Variants in COG3 observed in about 807,000 individuals in gnomAD.
COG3 encodes the protein component of oligomeric golgi complex 3, also known as conserved oligomeric Golgi complex subunit 3.
COG3 carries 32 observed loss-of-function variants against 114.1 expected under a neutral mutation model. That is an observed-to-expected ratio of 0.28 (90% confidence interval 0.21 to 0.38). COG3 has a LOEUF of 0.38. Ranked by LOEUF, COG3 falls within the 10% of genes least tolerant of loss-of-function variation. The pLI is 1.00. For missense variants in COG3, 813 were observed against 973.2 expected, an observed-to-expected ratio of 0.84 and a Z score of 2.19; for synonymous variants, 352 against 365.7, an observed-to-expected ratio of 0.96 and a Z score of 0.43.
intron 11 of COG3, among the ~76,000 whole-genome samples, chr13:45,492,569 GT>G (rs1248816609): frequency 1.3e-5 from 2 of 152,054 alleles, no homozygotes; most frequent in African/African-American, 4.8e-5. Context: ...ATTCCTTCTA[GT>G]TAAAAAATTC....
intron 15 of COG3, among the ~76,000 whole-genome samples, chr13:45,510,350 A>C (rs1426650413): frequency 6.6e-6 from 1 of 152,214 alleles, no homozygotes. Flanking sequence ...CCTTTTGCCC[A>C]GTTCTGGGAC....
rs1886367319 is a variant in COG3 at position 45,483,304 on chromosome 13, G to C, written c.792G>C (p.Lys264Asn). 2.5e-6 allele frequency: 4 copies of C among 1,600,406 alleles called. No individual in the cohort carries two copies. The African/African-American group carries it at 5.4e-5, about 21-fold the overall frequency. Residue 264 changes from lysine to asparagine, a missense_variant, in exon 7 of 23, where the codon AAG becomes AAC. Coordinates refer to ENST00000349995, the MANE Select transcript of COG3 (RefSeq NM_031431.4). The stretch of plus-strand genomic sequence containing the variant: ...TTTCTAAAGCTTTGCACCTCATGAA[G>C]ACATATACTGTGAACACACTACAGA... ...QCLSKALHLM[K>N]TYTVNTLQTL...
intron 16 of COG3, 73 bp downstream of exon 16, chr13:45,511,927 C>G: frequency 8.4e-7 from 1 of 1,193,950 alleles, no homozygotes; most frequent in Non-Finnish European, 1.2e-6. Context: ...CTTATAGGCA[C>G]AGAAGTTTAA....
At chr13:45,467,099 C>T (rs1212156835) in intron 1 of COG3, among the ~76,000 whole-genome samples, 1 of 152,158 alleles carries the variant, frequency 6.6e-6, no homozygotes, top group Non-Finnish European at 1.5e-5. Context: ...AGAGGGAAGA[C>T]CTTTCCAAGG....
chr13:45,488,825 A>G (rs1593697641), intron 8 of COG3, among the ~76,000 whole-genome samples: 1 of 152,102 alleles, frequency 6.6e-6, no homozygotes, highest in East Asian at 1.9e-4. Context: ...CTCATTGTGA[A>G]GTTTCTAGAA....
intron 11 of COG3, 142 bp from the exon 12 acceptor site, chr13:45,493,202 TATC>T (rs2137832560): frequency 1.7e-6 from 1 of 597,266 alleles, no homozygotes; most frequent in Non-Finnish European, 2.8e-6. Context: ...GCTTTTCCCT[TATC>T]ATTCTATAAT....
At position 45,465,055 on chromosome 13, in the gene COG3, TTGCTGC is replaced by T. The variant is rs1355048877; in HGVS notation, c.23_28del (p.Leu8_Leu9del). 2.5e-6 allele frequency: 4 copies of T among 1,586,446 alleles called. No homozygotes were observed. Among genetic ancestry groups the T allele is most frequent in the Non-Finnish European group, 3.4e-6 (4 of 1,167,980 alleles). ...GGCGGCGATGGCGGAGGCGGCGCTG[TTGCTGC>T]TGCCTGAGGCGGCGGCGGAGCGGGA... is the stretch of plus-strand genomic sequence containing the variant. On this transcript the variant is annotated inframe_deletion, in exon 1 of 23. Transcript: ENST00000349995.
chr13:45,493,584 A>G, intron 12 of COG3, 98 bp downstream of exon 12: 1 of 1,079,700 alleles, frequency 9.3e-7, no homozygotes, highest in Non-Finnish European at 1.3e-6. Context: ...AAATAGATAA[A>G]TTTAATATTT....
intron 1 of COG3, among the ~76,000 whole-genome samples, chr13:45,475,499 C>T (rs989024345): frequency 6.6e-6 from 1 of 152,114 alleles, no homozygotes; most frequent in African/African-American, 2.4e-5. Context: ...CCACTGAACC[C>T]GGTCATTGGG....
At chr13:45,530,188 TGCA>T in intron 21 of COG3, among the ~76,000 whole-genome samples, 1 of 152,298 alleles carries the variant, frequency 6.6e-6, no homozygotes, top group Admixed American at 6.5e-5. Flanking sequence ...ACCCTTACAT[TGCA>T]TGTGGCCCAG....
intron 20 of COG3, among the ~76,000 whole-genome samples, chr13:45,525,634 G>GTTTTTTTTTTTTTT (rs59577529): frequency 0.013 from 708 of 56,520 alleles, 62 homozygotes; most frequent in South Asian, 0.02. Flanking sequence ...AGGGCTTTGG[G>GTTTTTTTTTTTTTT]TTTTTTTTTT....
At chr13:45,471,439 A>G (rs1172610665) in intron 1 of COG3, among the ~76,000 whole-genome samples, 1 of 151,994 alleles carries the variant, frequency 6.6e-6, no homozygotes, top group Admixed American at 6.6e-5. Flanking sequence ...CCAAAACAGT[A>G]TTCTTCCATT....
intron 7 of COG3, among the ~76,000 whole-genome samples, chr13:45,484,243 T>A (rs773348305): frequency 3.3e-5 from 5 of 152,176 alleles, no homozygotes; most frequent in Non-Finnish European, 5.9e-5. Flanking sequence ...TTTTTTTTTA[T>A]TTTTTGCAAA....
At chr13:45,511,692 T>TAA (rs752517660) in intron 15 of COG3, 73 bp from the exon 16 acceptor site, 19 of 1,119,528 alleles carry the variant, frequency 1.7e-5, no homozygotes, top group Non-Finnish European at 2.6e-5. Context: ...TATTTGCACT[T>TAA]ACAGCCTAGG....
intron 16 of COG3, among the ~76,000 whole-genome samples, chr13:45,512,785 T>G (rs75626183): frequency 0.03 from 4,558 of 152,062 alleles, 211 homozygotes; most frequent in African/African-American, 0.098. Context: ...TGGCTAAATT[T>G]TTTATTTTTT....
chr13:45,520,689 A>G (rs1420902489), intron 19 of COG3, among the ~76,000 whole-genome samples: 1 of 141,402 alleles, frequency 7.1e-6, no homozygotes, highest in Non-Finnish European at 1.5e-5. Flanking sequence ...AGTATTTGCA[A>G]TGTGTGCATA....
chr13:45,483,438 T>A, intron 7 of COG3, 83 bp downstream of exon 7: 3 of 1,176,222 alleles, frequency 2.6e-6, no homozygotes, highest in South Asian at 2.3e-5. Flanking sequence ...TGGCTGAGAT[T>A]AGTACTTTGT....
intron 14 of COG3, among the ~76,000 whole-genome samples, chr13:45,506,619 G>A (rs1870180090): frequency 6.6e-6 from 1 of 152,180 alleles, no homozygotes; most frequent in Admixed American, 6.5e-5. Flanking sequence ...AGTTGAGAAG[G>A]TAAGGATGAA....
At chr13:45,504,129 G>T (rs1869858366) in intron 14 of COG3, among the ~76,000 whole-genome samples, 1 of 152,156 alleles carries the variant, frequency 6.6e-6, no homozygotes, top group African/African-American at 2.4e-5. Flanking sequence ...GGACAACTGG[G>T]AAGGTGGGTA....
Sources: allele counts gnomAD v4.1 joint callset (sites outside exome capture counted in the v4.1 genomes callset), GRCh38; gene constraint gnomAD v4.1.1; transcripts MANE v1.5; gene names NCBI Gene and HGNC (gene_info 2026-07-23, HGNC 2026-07-21).